Variants in RETREG1 observed in about 807,000 individuals in gnomAD.
The protein encoded by RETREG1 is family with sequence similarity 134 member B.
In RETREG1, 44 loss-of-function variants were observed where a neutral mutation model predicts 54.8. The observed-to-expected ratio is 0.80, with a 90% CI of 0.63 to 1.03. The LOEUF is 1.03. Ranked by LOEUF, RETREG1 falls within the 50% of genes least tolerant of loss-of-function variation. The pLI is 0.00. For synonymous variants in RETREG1, 217 were observed against 238.5 expected (o/e 0.91, Z 0.83); for missense variants, 554 against 605.1 (o/e 0.92, Z 0.89).
At chr5:16,552,085 T>C (rs183942390) in intron 3 of RETREG1, among the ~76,000 whole-genome samples, 1 of 152,374 alleles carries the variant, frequency 6.6e-6, no homozygotes, top group Admixed American at 6.5e-5. Flanking sequence ...TCTGAGGTCA[T>C]GTATTCACAG....
intron 3 of RETREG1, among the ~76,000 whole-genome samples, chr5:16,556,886 G>T (rs1741725371): frequency 6.6e-6 from 1 of 152,144 alleles, no homozygotes; most frequent in South Asian, 2.1e-4. Context: ...CTGGAGTACA[G>T]TGGCACCATC....
intron 3 of RETREG1, among the ~76,000 whole-genome samples, chr5:16,549,356 T>TC (rs1239606124): frequency 2.0e-5 from 3 of 151,968 alleles, no homozygotes; most frequent in East Asian, 1.9e-4. Context: ...TGGGATCACT[T>TC]CCCCCCCTAT....
intron 1 of RETREG1, among the ~76,000 whole-genome samples, chr5:16,578,027 G>C (rs1192662800): frequency 6.6e-6 from 1 of 151,926 alleles, no homozygotes; most frequent in Non-Finnish European, 1.5e-5. Context: ...TTTTTTTCCT[G>C]TTATTATGAA....
intron 1 of RETREG1, among the ~76,000 whole-genome samples, chr5:16,592,931 T>C (rs968521026): frequency 2.6e-5 from 4 of 151,786 alleles, no homozygotes; most frequent in African/African-American, 9.7e-5. Context: ...GCAGAAAAAA[T>C]AACTATTGGG....
intron 1 of RETREG1, among the ~76,000 whole-genome samples, chr5:16,606,456 T>A (rs1225202878): frequency 6.6e-6 from 1 of 152,142 alleles, no homozygotes; most frequent in African/African-American, 2.4e-5. Flanking sequence ...CAACCTGCAC[T>A]CTGAGAGTCA....
intron 3 of RETREG1, among the ~76,000 whole-genome samples, chr5:16,552,912 G>C (rs1415308792): frequency 6.6e-6 from 1 of 152,130 alleles, no homozygotes; most frequent in Non-Finnish European, 1.5e-5. Context: ...ATGTCCCATC[G>C]CTCACACCCC....
intron 1 of RETREG1, among the ~76,000 whole-genome samples, chr5:16,603,497 G>A (rs1743101500): frequency 6.6e-6 from 1 of 152,180 alleles, no homozygotes; most frequent in African/African-American, 2.4e-5. Context: ...ACTAATGACA[G>A]GGAAGGGACA....
intron 1 of RETREG1, among the ~76,000 whole-genome samples, chr5:16,613,606 C>T (rs1344973455): frequency 1.3e-5 from 2 of 152,124 alleles, no homozygotes; most frequent in African/African-American, 4.8e-5. Flanking sequence ...CTCCTAAAAC[C>T]CACTGCTAAT....
At chr5:16,478,761 G>T in intron 6 of RETREG1, 89 bp downstream of exon 6, 1 of 1,223,224 alleles carries the variant, frequency 8.2e-7, no homozygotes, top group Non-Finnish European at 1.2e-6. Flanking sequence ...AAAGCTAAAA[G>T]TATCCTCAAA....
chr5:16,494,843 G>A (rs747250591), intron 3 of RETREG1, among the ~76,000 whole-genome samples: 3 of 152,216 alleles, frequency 2.0e-5, no homozygotes, highest in Non-Finnish European at 4.4e-5. Flanking sequence ...GTAATAGGCA[G>A]AAGTTGGAAG....
intron 3 of RETREG1, among the ~76,000 whole-genome samples, chr5:16,518,473 A>G (rs1292334035): frequency 6.6e-6 from 1 of 151,890 alleles, no homozygotes; most frequent in Non-Finnish European, 1.5e-5. Flanking sequence ...GGAAATAATG[A>G]GTATTTTCCA....
chr5:16,578,930 A>T (rs940290200), intron 1 of RETREG1, among the ~76,000 whole-genome samples: 1 of 152,180 alleles, frequency 6.6e-6, no homozygotes, highest in Admixed American at 6.5e-5. Context: ...TAACTACATA[A>T]AGCAGCCAGA....
At chr5:16,496,960 G>A (rs1739488318) in intron 3 of RETREG1, among the ~76,000 whole-genome samples, 1 of 152,176 alleles carries the variant, frequency 6.6e-6, no homozygotes, top group South Asian at 2.1e-4. Context: ...CAGGCTGCAG[G>A]GTGGATTTGG....
chr5:16,539,487 A>G (rs1741176459), intron 3 of RETREG1, among the ~76,000 whole-genome samples: 1 of 152,142 alleles, frequency 6.6e-6, no homozygotes, highest in Non-Finnish European at 1.5e-5. Context: ...GGTCGGTCGG[A>G]GCGAGCCAGG....
intron 3 of RETREG1, among the ~76,000 whole-genome samples, chr5:16,491,606 T>C (rs975083379): frequency 2.6e-5 from 4 of 152,142 alleles, no homozygotes; most frequent in Admixed American, 2.6e-4. Context: ...TGTATAAAAA[T>C]ATACAAAATA....
Position 16,536,757 on chromosome 5 carries a change from C to T in RETREG1, c.458+29006G>A, listed in dbSNP as rs907223720. ...AAGACTGAAAATCAGTGCAAGGTGT[C>T]AATGGCGCCAAAGTCAACGGATGCC... On this transcript the variant is annotated intron_variant, in intron 3 of 8. Coordinates refer to ENST00000306320, the MANE Select transcript of RETREG1 (RefSeq NM_001034850.3). Among the ~76,000 whole-genome samples the T allele has an allele frequency of 4.1e-4, 62 of 152,186 alleles. 2 individuals carry two copies. Among genetic ancestry groups the T allele is most frequent in the Non-Finnish European group, 2.9e-5 (2 of 68,038 alleles).
chr5:16,544,901 T>G (rs546433910), intron 3 of RETREG1, among the ~76,000 whole-genome samples: 2 of 152,328 alleles, frequency 1.3e-5, no homozygotes, highest in African/African-American at 4.8e-5. Flanking sequence ...TTTCTTCCAC[T>G]GGGGCCACAT....
intron 1 of RETREG1, among the ~76,000 whole-genome samples, chr5:16,587,863 C>G (rs1014577012): frequency 2.0e-5 from 3 of 152,298 alleles, no homozygotes; most frequent in South Asian, 4.1e-4. Flanking sequence ...CCCTCTTTGC[C>G]GGAAGCCCTG....
intron 3 of RETREG1, among the ~76,000 whole-genome samples, chr5:16,500,246 G>A (rs550185043): frequency 6.6e-6 from 1 of 152,324 alleles, no homozygotes; most frequent in East Asian, 1.9e-4. Context: ...GCCTCAGGAT[G>A]CTTTGTGACC....
Sources: allele counts gnomAD v4.1 joint callset (sites outside exome capture counted in the v4.1 genomes callset), GRCh38; gene constraint gnomAD v4.1.1; transcripts MANE v1.5; gene names NCBI Gene and HGNC (gene_info 2026-07-23, HGNC 2026-07-21).